Variants in CFAP77 observed in about 807,000 individuals in gnomAD.
CFAP77 encodes the protein cilia- and flagella-associated protein 77.
Under a neutral mutation model 31.1 loss-of-function variants are expected in CFAP77, and 25 were observed. The ratio of observed to expected loss-of-function variants is 0.80; its 90% CI spans 0.59 to 1.12. The LOEUF (loss-of-function observed/expected upper bound fraction) is 1.12, where lower values mean the gene tolerates loss of function less well. Ranked by LOEUF, CFAP77 falls within the 50% of genes most tolerant of loss-of-function variation. CFAP77 has a pLI of 0.00. For missense variants in CFAP77, 377 were observed against 397.3 expected, an observed-to-expected ratio of 0.95 and a Z score of 0.44; for synonymous variants, 151 against 159.9, an observed-to-expected ratio of 0.94 and a Z score of 0.42.
Position 132,451,807 on chromosome 9 carries a change from C to A in CFAP77, c.195+41341C>A, listed in dbSNP as rs78657677. 7.8e-5 allele frequency among the ~76,000 whole-genome samples: 11 copies of A among 141,760 alleles called. No homozygotes were observed. The East Asian group carries it at 1.8e-3, about 24-fold the overall frequency. 93.0% of individuals were successfully genotyped at this position (141,760 alleles called of 152,430 possible). A position where few individuals can be genotyped will look rare whatever the true frequency, so the allele number is the denominator to read the frequency against. On this transcript the variant is annotated intron_variant, in intron 1 of 5. Coordinates refer to ENST00000393216, the MANE Select transcript of CFAP77 (RefSeq NM_001282957.2). ...AGATTTTCTTTTTTCTTTTTCTTTT[C>A]TTTTTTTTTTTTTTCCAGAAGGAGT...
At chr9:132,479,616 A>G (rs866318364) in intron 1 of CFAP77, among the ~76,000 whole-genome samples, 1 of 152,224 alleles carries the variant, frequency 6.6e-6, no homozygotes. Flanking sequence ...CTGCAGAGCC[A>G]TGGCCTGAGT....
chr9:132,533,511 G>A (rs1006162999), intron 3 of CFAP77, among the ~76,000 whole-genome samples: 15 of 150,040 alleles, frequency 1.0e-4, no homozygotes, highest in South Asian at 2.1e-4. Flanking sequence ...GGCTCCAGGC[G>A]TTTCTTGGTT....
chr9:132,489,188 CTT>C (rs1469797814), intron 1 of CFAP77, among the ~76,000 whole-genome samples: 1 of 152,186 alleles, frequency 6.6e-6, no homozygotes, highest in Non-Finnish European at 1.5e-5. Flanking sequence ...AGGAGTGCCT[CTT>C]AAAAGACCTT....
intron 1 of CFAP77, among the ~76,000 whole-genome samples, chr9:132,464,252 C>G (rs1851112285): frequency 6.6e-6 from 1 of 152,106 alleles, no homozygotes; most frequent in East Asian, 1.9e-4. Flanking sequence ...TGCCGTGGGC[C>G]AGATACAGGG....
Position 132,481,149 on chromosome 9 carries a change from G to A in CFAP77, c.196-17546G>A, listed in dbSNP as rs1455421490. Reference sequence around the variant, plus strand: ...ACTCGTGTCTGCCGGCCATGGATACGACAGAGCCTGGGGACTGTAAGACCC... The same window carrying A: ...ACTCGTGTCTGCCGGCCATGGATACAACAGAGCCTGGGGACTGTAAGACCC... On this transcript the variant is annotated intron_variant, in intron 1 of 5. Transcript: ENST00000393216. The surrounding 1 kb of genome is among the most constrained non-coding windows in gnomAD (Gnocchi z 5.0). Among the ~76,000 whole-genome samples the A allele has an allele frequency of 3.9e-5, 6 of 152,080 alleles. No homozygotes were observed. Among genetic ancestry groups the A allele is most frequent in the Non-Finnish European group, 8.8e-5 (6 of 68,036 alleles).
chr9:132,571,008 C>T (rs1242504730), intron 5 of CFAP77, among the ~76,000 whole-genome samples: 1 of 152,146 alleles, frequency 6.6e-6, no homozygotes, highest in Non-Finnish European at 1.5e-5. Flanking sequence ...ACAAGCCCCT[C>T]CTTATCTTCC....
At chr9:132,561,501 A>T (rs551667158) in intron 5 of CFAP77, among the ~76,000 whole-genome samples, 1 of 151,670 alleles carries the variant, frequency 6.6e-6, no homozygotes, top group Non-Finnish European at 1.5e-5. Flanking sequence ...TGGCAGTGGG[A>T]CTGGGTCAGG....
chr9:132,439,440 C>G (rs73659043), intron 1 of CFAP77, among the ~76,000 whole-genome samples: 2 of 151,900 alleles, frequency 1.3e-5, no homozygotes, highest in Non-Finnish European at 1.5e-5. Flanking sequence ...GGTCACTCCC[C>G]GCTCTGAGCC....
intron 1 of CFAP77, among the ~76,000 whole-genome samples, chr9:132,461,030 G>A (rs576041844): frequency 2.0e-5 from 3 of 152,006 alleles, no homozygotes; most frequent in South Asian, 4.1e-4. Flanking sequence ...CTGGCCAAAA[G>A]GGTCAATTTT....
At chr9:132,533,321 C>A (rs371032784) in intron 3 of CFAP77, among the ~76,000 whole-genome samples, 143 of 152,308 alleles carry the variant, frequency 9.4e-4, no homozygotes, top group African/African-American at 3.4e-3. Flanking sequence ...GGCTGAGGAA[C>A]CCCTGTGTAC....
rs1419155745 is a variant in CFAP77 at position 132,545,407 on chromosome 9, C to T, written c.732+2360C>T. 6.6e-6 allele frequency among the ~76,000 whole-genome samples: 1 copy of T among 152,006 alleles called. No individual in the cohort carries two copies. Among genetic ancestry groups the T allele is most frequent in the Non-Finnish European group, 1.5e-5 (1 of 67,980 alleles). Reference sequence around the variant, plus strand: ...GTGTGTCTGATGGCAGGGCCCAAGCCGAGACACATGACCTATCGGGCCATA... The same window carrying T: ...GTGTGTCTGATGGCAGGGCCCAAGCTGAGACACATGACCTATCGGGCCATA... On this transcript the variant is annotated intron_variant, in intron 5 of 5. Coordinates refer to ENST00000393216, the MANE Select transcript of CFAP77 (RefSeq NM_001282957.2). This position sits in a 1 kb window ranked among gnomAD's most constrained non-coding sequence, Gnocchi z 4.6.
At chr9:132,528,342 T>C (rs1176624133) in intron 3 of CFAP77, among the ~76,000 whole-genome samples, 20 of 132,776 alleles carry the variant, frequency 1.5e-4, no homozygotes, top group African/African-American at 5.1e-4. Context: ...TTACACCTTA[T>C]ACAAAAATCA....
At position 132,413,999 on chromosome 9, in the gene CFAP77, G is replaced by A. The variant is rs1341285872; in HGVS notation, c.195+3533G>A. 6.6e-5 allele frequency among the ~76,000 whole-genome samples: 10 copies of A among 152,306 alleles called. No individual in the cohort carries two copies. The East Asian group carries it at 1.7e-3, about 26-fold the overall frequency. On this transcript the variant is annotated intron_variant, in intron 1 of 5. Coordinates refer to ENST00000393216, the MANE Select transcript of CFAP77 (RefSeq NM_001282957.2). ...TTTTTTGAGGAGATCAAGGCCCAGC[G>A]AGGGGAACAGACTCATCCGAGGTGC...
chr9:132,454,744 T>C (rs1850884910), intron 1 of CFAP77, among the ~76,000 whole-genome samples: 1 of 152,184 alleles, frequency 6.6e-6, no homozygotes, highest in East Asian at 1.9e-4. Context: ...ACCTATAACG[T>C]AGCCAGGGGC....
chr9:132,470,937 C>A (rs1378608471), intron 1 of CFAP77, among the ~76,000 whole-genome samples: 1 of 152,182 alleles, frequency 6.6e-6, no homozygotes, highest in Non-Finnish European at 1.5e-5. Flanking sequence ...AAGATCGGGC[C>A]ACTGCACTCC....
chr9:132,493,045 C>T (rs1170743413), intron 1 of CFAP77, among the ~76,000 whole-genome samples: 1 of 152,160 alleles, frequency 6.6e-6, no homozygotes, highest in Non-Finnish European at 1.5e-5. Context: ...TAGGAGTCCT[C>T]ACAAAGCCCC....
intron 1 of CFAP77, among the ~76,000 whole-genome samples, chr9:132,468,363 G>T (rs772130247): frequency 5.3e-5 from 8 of 152,004 alleles, no homozygotes; most frequent in Non-Finnish European, 7.4e-5. Flanking sequence ...AAAAACCACA[G>T]ATTAGAACCC....
At chr9:132,508,194 G>A (rs980642722) in intron 3 of CFAP77, among the ~76,000 whole-genome samples, 1 of 152,164 alleles carries the variant, frequency 6.6e-6, no homozygotes, top group African/African-American at 2.4e-5. Flanking sequence ...CATAGACTCC[G>A]CTGTGATCCC....
chr9:132,461,847 G>A (rs1468006120), intron 1 of CFAP77, among the ~76,000 whole-genome samples: 3 of 152,144 alleles, frequency 2.0e-5, no homozygotes, highest in Non-Finnish European at 2.9e-5. Context: ...GAGTGGCTGC[G>A]ATTTCCCCCC....
Sources: gnomAD v4.1 joint callset for allele counts (sites outside exome capture counted in the v4.1 genomes callset) on GRCh38, gnomAD v4.1.1 for gene constraint, Gnocchi (gnomAD v3.1) non-coding constraint, MANE v1.5 for transcripts, NCBI Gene and HGNC (gene_info 2026-07-23, HGNC 2026-07-21) for gene names.